The following R3HDM2 variants were observed in gnomAD, a reference collection of about 807,000 sequenced individuals.
R3HDM2 encodes the protein R3H domain-containing protein 2.
In R3HDM2, 38 loss-of-function variants were observed where a neutral mutation model predicts 124.5. That is an observed-to-expected ratio of 0.31 (90% CI 0.24 to 0.40). The LOEUF is 0.40. R3HDM2 is among the 10% of genes least tolerant of loss of function. The pLI is 1.00. For synonymous variants in R3HDM2, 391 were observed against 448.0 expected (o/e 0.87, Z 1.61); for missense variants, 869 against 1,236.9 (o/e 0.70, Z 4.46).
chr12:57,259,110 C>T (rs750866716), intron 19 of R3HDM2, 51 bp from the exon 20 acceptor site: 17 of 1,581,206 alleles, frequency 1.1e-5, no homozygotes, highest in Non-Finnish European at 1.5e-5. Context: ...TGTATTTTTG[C>T]CTTCCAACTA....
At chr12:57,311,208 A>G (rs190803575) in intron 2 of R3HDM2, among the ~76,000 whole-genome samples, 6 of 152,062 alleles carry the variant, frequency 3.9e-5, no homozygotes, top group Admixed American at 3.9e-4. Flanking sequence ...AAATGGTTAT[A>G]GAATCTATAA....
At chr12:57,285,588 A>G (rs1188860759) in intron 12 of R3HDM2, among the ~76,000 whole-genome samples, 1 of 152,196 alleles carries the variant, frequency 6.6e-6, no homozygotes, top group Non-Finnish European at 1.5e-5. Context: ...AGAAAGAAGT[A>G]TAAGTTAGGT....
intron 3 of R3HDM2, among the ~76,000 whole-genome samples, chr12:57,305,138 T>C (rs1026711470): frequency 3.3e-5 from 5 of 152,168 alleles, no homozygotes; most frequent in Admixed American, 2.0e-4. Context: ...TGAGCTGAGA[T>C]TGCGCCACTG....
chr12:57,414,568 C>T (rs1021872372), intron 1 of R3HDM2, among the ~76,000 whole-genome samples: 6 of 145,438 alleles, frequency 4.1e-5, no homozygotes, highest in South Asian at 4.4e-4. Flanking sequence ...CGGTGTCTCA[C>T]GCCTATAATC....
intron 2 of R3HDM2, among the ~76,000 whole-genome samples, chr12:57,360,006 A>AATAAATATATATATATATAT (rs1403496780): frequency 2.5e-5 from 3 of 117,688 alleles, no homozygotes; most frequent in African/African-American, 9.1e-5. Context: ...TAAATAAATA[A>AATAAATATATATATATATAT]ATATATATAT....
intron 2 of R3HDM2, among the ~76,000 whole-genome samples, chr12:57,388,726 C>T (rs919101214): frequency 1.3e-5 from 2 of 151,992 alleles, no homozygotes. Flanking sequence ...CCCTTGGTCC[C>T]GCCAGCCTGA....
At chr12:57,316,335 TA>T (rs1397078335) in intron 2 of R3HDM2, among the ~76,000 whole-genome samples, 2 of 152,194 alleles carry the variant, frequency 1.3e-5, no homozygotes, top group Non-Finnish European at 2.9e-5. Context: ...GGATATAAAT[TA>T]GTTAAACCAA....
intron 22 of R3HDM2, 94 bp downstream of exon 22, chr12:57,256,320 T>C (rs910189012): frequency 5.0e-5 from 56 of 1,124,832 alleles, no homozygotes; most frequent in Non-Finnish European, 4.9e-5. Flanking sequence ...CTGTGTTATT[T>C]CCCTTGTATA....
At chr12:57,417,543 A>G (rs2069765489) in intron 1 of R3HDM2, among the ~76,000 whole-genome samples, 2 of 152,356 alleles carry the variant, frequency 1.3e-5, no homozygotes, top group Middle Eastern at 3.4e-3. Flanking sequence ...TGAGGATTAA[A>G]TGATCTAATA....
intron 2 of R3HDM2, among the ~76,000 whole-genome samples, chr12:57,369,432 C>G (rs2063051617): frequency 1.3e-5 from 2 of 152,294 alleles, no homozygotes; most frequent in Non-Finnish European, 2.9e-5. Context: ...GACTTTAGCT[C>G]AAGTAAGCCA....
chr12:57,421,363 T>C (rs1218872653), intron 1 of R3HDM2, among the ~76,000 whole-genome samples: 1 of 151,222 alleles, frequency 6.6e-6, no homozygotes, highest in African/African-American at 2.4e-5. Context: ...TTGGTCAAGC[T>C]GGTCTCCAAC....
intron 2 of R3HDM2, among the ~76,000 whole-genome samples, chr12:57,339,282 C>A (rs2059257910): frequency 6.6e-6 from 1 of 152,118 alleles, no homozygotes; most frequent in African/African-American, 2.4e-5. Context: ...CAGGTGTAAG[C>A]CACTACGTCT....
At position 57,363,352 on chromosome 12, in the gene R3HDM2, CA is replaced by C. The variant is rs546927531; in HGVS notation, c.-36+32396del. Among the ~76,000 whole-genome samples the C allele has an allele frequency of 9.4e-4, 143 of 152,188 alleles. 1 individual carries two copies. Among genetic ancestry groups the C allele is most frequent in the Admixed American group, 9.4e-3 (143 of 15,278 alleles). On this transcript the variant is annotated intron_variant, in intron 2 of 23. Coordinates refer to ENST00000402412, the MANE Select transcript of R3HDM2 (RefSeq NM_001394031.1). ...TTTAGCATATTCAGAGTTATACTAC[CA>C]TAATCAAAATCAATTTTAGAACACT...
At chr12:57,255,753 G>A (rs988801471) in intron 23 of R3HDM2, among the ~76,000 whole-genome samples, 5 of 152,148 alleles carry the variant, frequency 3.3e-5, no homozygotes, top group African/African-American at 1.2e-4. Flanking sequence ...TTAATAAGAG[G>A]CAACTCCCAT....
At chr12:57,257,533 G>A (rs1438114123) in intron 21 of R3HDM2, among the ~76,000 whole-genome samples, 1 of 152,292 alleles carries the variant, frequency 6.6e-6, no homozygotes, top group East Asian at 1.9e-4. Flanking sequence ...AGACTAGGAA[G>A]TGAGGTCTAC....
chr12:57,383,894 A>G (rs774780206), intron 2 of R3HDM2, among the ~76,000 whole-genome samples: 1 of 152,156 alleles, frequency 6.6e-6, no homozygotes, highest in Admixed American at 6.6e-5. Context: ...CCAAAAAAAT[A>G]AAATTCCCTG....
chr12:57,268,403 T>C lies in R3HDM2; in HGVS notation c.1930A>G (p.Met644Val), dbSNP rs772341293. ...NVVQPPFQQP[M>V]LVPVSQSVQG... Reference sequence around the variant, plus strand: ...ACAGACTGGCTCACAGGGACCAGCATGGGTTGCTGGAAAGGCGGCTGGACC... The same window carrying C: ...ACAGACTGGCTCACAGGGACCAGCACGGGTTGCTGGAAAGGCGGCTGGACC... The change falls in exon 18 of 24, where the codon ATG becomes GTG. Residue 644 changes from methionine to valine, a missense_variant. Physicochemically the swap from Met to Val is conservative, Grantham distance 21. Transcript: ENST00000402412. 5.6e-6 allele frequency: 9 copies of C among 1,613,970 alleles called. No homozygotes were observed. Among genetic ancestry groups the C allele is most frequent in the African/African-American group, 2.7e-5 (2 of 74,890 alleles).
intron 13 of R3HDM2, among the ~76,000 whole-genome samples, chr12:57,283,489 A>T (rs1321366697): frequency 6.6e-6 from 1 of 152,240 alleles, no homozygotes; most frequent in African/African-American, 2.4e-5. Flanking sequence ...CTGTAATCCC[A>T]GCACTTTAGG....
intron 11 of R3HDM2, among the ~76,000 whole-genome samples, chr12:57,290,715 G>C (rs1202706565): frequency 6.6e-6 from 1 of 152,190 alleles, no homozygotes; most frequent in Non-Finnish European, 1.5e-5. Context: ...CTGGGTTCAA[G>C]TGATTTCCTG....
Sources: allele counts gnomAD v4.1 joint callset (sites outside exome capture counted in the v4.1 genomes callset), GRCh38; gene constraint gnomAD v4.1.1; transcripts MANE v1.5; gene names NCBI Gene and HGNC (gene_info 2026-07-23, HGNC 2026-07-21).